Variants in DNAH11 observed in about 807,000 individuals in gnomAD.
The protein encoded by DNAH11 is axonemal beta dynein heavy chain 11.
In DNAH11, 442 loss-of-function variants were observed where a neutral mutation model predicts 526.0. The ratio of observed to expected loss-of-function variants is 0.84; its 90% CI spans 0.78 to 0.91. The LOEUF (loss-of-function observed/expected upper bound fraction) is 0.91. Among genes scored for constraint, DNAH11 ranks in the 40% least tolerant of loss-of-function variants. The pLI is 0.00. For missense variants in DNAH11, 6,989 were observed against 5,448.7 expected (o/e 1.28, Z -8.90); for synonymous variants, 2,461 against 1,935.9 (o/e 1.27, Z -7.12).
chr7:21,767,183 A>C lies in DNAH11; in HGVS notation c.9102+1594A>C, dbSNP rs150000655. On this transcript the variant is annotated intron_variant, in intron 55 of 81. Coordinates refer to ENST00000409508, the MANE Select transcript of DNAH11 (RefSeq NM_001277115.2). ...CAAGAAGGGTTCAAAATGCTGCTTT[A>C]TTAAAGGGAGAGAGTCAGTATGTAT... 1.4e-3 allele frequency among the ~76,000 whole-genome samples: 210 copies of C among 152,290 alleles called. 1 individual carries two copies. Among genetic ancestry groups the C allele is most frequent in the African/African-American group, 4.8e-3 (201 of 41,558 alleles).
Position 21,559,748 on chromosome 7 carries a change from T to A in DNAH11, c.838T>A (p.Phe280Ile). 6.2e-7 allele frequency: 1 copy of A among 1,608,044 alleles called. No individual in the cohort carries two copies. Among genetic ancestry groups the A allele is most frequent in the Non-Finnish European group, 8.5e-7 (1 of 1,176,888 alleles). ...CTTGTCTCCTCAAGCAGAACTAGAT[T>A]TCTGGATGATGAGGAGAGAAAATCT... is the stretch of plus-strand genomic sequence containing the variant. ...LHLSPQAELD[F>I]WMMRRENLSC... The change falls in exon 4 of 82, where the codon TTC becomes ATC. Residue 280 changes from phenylalanine to isoleucine, a missense_variant. Transcript: ENST00000409508.
chr7:21,572,518 G>A (rs1329444403), intron 8 of DNAH11, among the ~76,000 whole-genome samples: 3 of 152,170 alleles, frequency 2.0e-5, no homozygotes, highest in African/African-American at 7.2e-5. Context: ...TTAGTAGCCA[G>A]GGAGCTACCT....
rs191464245 is a variant in DNAH11, at chr7:21,563,217, T to G, written c.983-969T>G. On this transcript the variant is annotated intron_variant, in intron 5 of 81. Coordinates refer to ENST00000409508, the MANE Select transcript of DNAH11 (RefSeq NM_001277115.2). ...TTTTGTTTGATTTTTTTCTTCCTTT[T>G]TCTTTTTTGGAGACAGGGTCTTGCT... Among the ~76,000 whole-genome samples the G allele has an allele frequency of 2.5e-3, 375 of 152,276 alleles. 3 individuals are homozygous for G. The highest frequency in any genetic ancestry group is 5.7e-4 in the Non-Finnish European group (39 of 68,022).
intron 2 of DNAH11, among the ~76,000 whole-genome samples, chr7:21,554,842 G>T (rs1228331449): frequency 6.6e-6 from 1 of 152,172 alleles, no homozygotes; most frequent in Non-Finnish European, 1.5e-5. Context: ...TGTGTGGAAG[G>T]GATAGGGAAG....
chr7:21,825,785 C>G (rs1790262199), intron 65 of DNAH11, among the ~76,000 whole-genome samples: 1 of 151,912 alleles, frequency 6.6e-6, no homozygotes, highest in Non-Finnish European at 1.5e-5. Flanking sequence ...CGGTGAAACC[C>G]CTTCTCTACT....
chr7:21,683,912 C>G lies in DNAH11; in HGVS notation c.5589C>G (p.Ser1863Arg). The G allele has an allele frequency of 6.2e-7, 1 of 1,613,534 alleles. No homozygotes were observed. The highest frequency in any genetic ancestry group is 8.5e-7 in the Non-Finnish European group (1 of 1,179,650). ...FQYFYEYLGN[S>R]PRLVITPLTD... ...ACTTCTATGAATACTTAGGAAACAG[C>G]CCTCGACTAGTGATCACTCCTCTAA... The change falls in exon 32 of 82, where the codon AGC (serine) becomes AGG (arginine). Residue 1863 changes from serine (S) to arginine (R), a missense_variant. Ser to Arg is a moderately radical substitution (Grantham distance 110, BLOSUM62 -1). Coordinates refer to ENST00000409508, the MANE Select transcript of DNAH11 (RefSeq NM_001277115.2).
intron 8 of DNAH11, among the ~76,000 whole-genome samples, chr7:21,577,458 G>A (rs534627113): frequency 9.9e-5 from 15 of 152,242 alleles, no homozygotes; most frequent in East Asian, 1.9e-4. Context: ...TGTGGTGTCC[G>A]GAGACCATGT....
intron 76 of DNAH11, among the ~76,000 whole-genome samples, chr7:21,885,169 T>TGTAAAAAAAAAAAAAAAAAAAA (rs367811733): frequency 2.2e-5 from 2 of 89,432 alleles, no homozygotes; most frequent in African/African-American, 3.6e-5. Flanking sequence ...CCAAATGAAC[T>TGTAAAAAAAAAAAAAAAAAAAA]ATAAAAAAAA....
chr7:21,559,435 A>T (rs534574432), intron 3 of DNAH11, among the ~76,000 whole-genome samples, 168 bp from the exon 4 acceptor site: 7 of 152,354 alleles, frequency 4.6e-5, no homozygotes, highest in African/African-American at 1.4e-4. Context: ...TATGTCACTG[A>T]CAGAATAACG....
chr7:21,789,116 C>T, intron 60 of DNAH11, 125 bp from the exon 61 acceptor site: 2 of 693,654 alleles, frequency 2.9e-6, no homozygotes, highest in South Asian at 3.9e-5. Context: ...TGAGAAGACC[C>T]CATCTCAATA....
chr7:21,578,054 A>G (rs1217915269), intron 8 of DNAH11, among the ~76,000 whole-genome samples: 1 of 152,158 alleles, frequency 6.6e-6, no homozygotes, highest in Non-Finnish European at 1.5e-5. Context: ...TCATGATGGA[A>G]GATGAAGGGG....
Position 21,864,676 on chromosome 7 carries a change from T to C in DNAH11, c.11496+19T>C. The stretch of plus-strand genomic sequence containing the variant: ...TATCAAGGTATGTTAGGAATACAGT[T>C]TCTCAAATTCTGGATCTTATTTAAA... On this transcript the variant is annotated intron_variant, in intron 70 of 81. Coordinates refer to ENST00000409508, the MANE Select transcript of DNAH11 (RefSeq NM_001277115.2). The C allele has an allele frequency of 6.4e-7, 1 of 1,555,042 alleles. No individual in the cohort carries two copies. The highest frequency in any genetic ancestry group is 8.7e-7 in the Non-Finnish European group (1 of 1,152,576).
intron 75 of DNAH11, among the ~76,000 whole-genome samples, chr7:21,882,132 G>A (rs1359092106): frequency 2.0e-5 from 3 of 152,192 alleles, no homozygotes; most frequent in African/African-American, 7.2e-5. Context: ...CTGCAACCGG[G>A]AATAGAATCG....
chr7:21,708,401 C>T (rs112701667), intron 40 of DNAH11, among the ~76,000 whole-genome samples: 4 of 152,292 alleles, frequency 2.6e-5, no homozygotes, highest in Admixed American at 6.5e-5. Context: ...CAGTTCTTCT[C>T]GCCTTCTCCA....
chr7:21,739,460 G>A, intron 47 of DNAH11, 111 bp from the exon 48 acceptor site: 4 of 739,756 alleles, frequency 5.4e-6, no homozygotes, highest in Non-Finnish European at 8.7e-6. Context: ...CTCACAGAGT[G>A]ATTATGAAGA....
intron 37 of DNAH11, among the ~76,000 whole-genome samples, chr7:21,704,157 T>C (rs1311829423): frequency 6.6e-6 from 1 of 152,208 alleles, no homozygotes; most frequent in African/African-American, 2.4e-5. Flanking sequence ...CCTTAGATTG[T>C]TTCTGAAGAT....
rs547875413 is a variant in DNAH11, at chr7:21,901,410, T to C, written c.*156T>C. 8.4e-5 allele frequency: 90 copies of C among 1,076,500 alleles called. No homozygotes were observed. In the East Asian group the frequency reaches 2.5e-3, roughly 30 times the overall value. 66.7% of individuals were successfully genotyped at this position (1,076,500 alleles called of 1,614,324 possible). A position where few individuals can be genotyped will look rare whatever the true frequency, so the allele number is the denominator to read the frequency against. On this transcript the variant is annotated 3_prime_UTR_variant, in exon 82 of 82. Coordinates refer to ENST00000409508, the MANE Select transcript of DNAH11 (RefSeq NM_001277115.2). Reference sequence around the variant, plus strand: ...CCTTAGAGTGAAAGTCAGAAAAAAATACTAGAAACTAACTCAGGGCTGAGC... The same window carrying C: ...CCTTAGAGTGAAAGTCAGAAAAAAACACTAGAAACTAACTCAGGGCTGAGC...
rs1384085463 is a variant in DNAH11 at position 21,901,706 on chromosome 7, G to A, written c.*452G>A. 1 of 155,878 alleles carries A rather than the reference G, an allele frequency of 6.4e-6. No individual in the cohort carries two copies. Among genetic ancestry groups the A allele is most frequent in the Non-Finnish European group, 1.4e-5 (1 of 70,350 alleles). 9.7% of individuals were successfully genotyped at this position (155,878 alleles called of 1,614,324 possible). On this transcript the variant is annotated 3_prime_UTR_variant, in exon 82 of 82. Transcript: ENST00000409508. ...CCTTAAACTCTTTCAAAATATAAAAGCAGCAGGCCCCAGGTGAGTCCTGAA... is the reference window on the plus strand; with the variant it reads ...CCTTAAACTCTTTCAAAATATAAAAACAGCAGGCCCCAGGTGAGTCCTGAA...
At chr7:21,626,484 A>G (rs1583541686) in intron 25 of DNAH11, among the ~76,000 whole-genome samples, 1 of 152,088 alleles carries the variant, frequency 6.6e-6, no homozygotes, top group African/African-American at 2.4e-5. Flanking sequence ...TAGTAGTGGA[A>G]TTGCTGGATT....
Sources: gnomAD v4.1 joint callset for allele counts (sites outside exome capture counted in the v4.1 genomes callset) on GRCh38, gnomAD v4.1.1 for gene constraint, MANE v1.5 for transcripts, NCBI Gene and HGNC (gene_info 2026-07-23, HGNC 2026-07-21) for gene names.